Variants in MEGF6 observed in about 807,000 individuals in gnomAD.
The protein encoded by MEGF6 is multiple EGF like domains 6.
MEGF6 carries 184 observed loss-of-function variants against 207.1 expected under a neutral mutation model. The observed-to-expected ratio is 0.89, with a 90% confidence interval of 0.79 to 1.00. The LOEUF is 1.00. Among genes scored for constraint, MEGF6 ranks in the 50% least tolerant of loss-of-function variants. The pLI, the probability that MEGF6 is intolerant of heterozygous loss-of-function variation, is 0.00. For synonymous variants in MEGF6, 1,038 were observed against 910.0 expected, an observed-to-expected ratio of 1.14 and a Z score of -2.53; for missense variants, 2,282 against 2,202.9, an observed-to-expected ratio of 1.04 and a Z score of -0.72.
At chr1:3,581,322 C>G (rs907847549) in intron 3 of MEGF6, among the ~76,000 whole-genome samples, 1 of 152,136 alleles carries the variant, frequency 6.6e-6, no homozygotes, top group Admixed American at 6.5e-5. Flanking sequence ...ATCCCCTCCC[C>G]ACCTGGGCCC....
chr1:3,544,487 C>CG (rs1308021670), intron 4 of MEGF6, among the ~76,000 whole-genome samples: 5 of 152,056 alleles, frequency 3.3e-5, no homozygotes, highest in African/African-American at 1.2e-4. Context: ...GGAGCTCCTC[C>CG]TAGGAGGGAC....
chr1:3,514,965 C>T (rs947349), intron 6 of MEGF6, among the ~76,000 whole-genome samples: 25,993 of 152,224 alleles, frequency 0.17, 2,349 homozygotes, highest in East Asian at 0.22. Context: ...ACCAAGGCGG[C>T]GGCCCCCCAG....
intron 3 of MEGF6, among the ~76,000 whole-genome samples, chr1:3,589,757 C>T (rs1434743202): frequency 1.3e-5 from 2 of 152,204 alleles, no homozygotes; most frequent in Admixed American, 1.3e-4. Context: ...CTGCATCGGC[C>T]CCGTTCAACA....
chr1:3,558,314 C>T (rs986836091), intron 4 of MEGF6, among the ~76,000 whole-genome samples: 1 of 152,178 alleles, frequency 6.6e-6, no homozygotes, highest in African/African-American at 2.4e-5. Context: ...GTGACTGTGT[C>T]GACCTCCTTT....
At chr1:3,612,206 A>G (rs560196651), upstream of MEGF6, among the ~76,000 whole-genome samples, 6 of 152,054 alleles carry the variant, frequency 3.9e-5, no homozygotes, top group Admixed American at 6.5e-5. Context: ...TCTGTGCTGC[A>G]TGTTCTTGGA....
rs1281576776 is a variant in MEGF6, at chr1:3,611,385, C to G, written c.-117G>C. 8 of 1,296,822 alleles carry G rather than the reference C, an allele frequency of 6.2e-6. No individual in the cohort carries two copies. 80.3% of individuals were successfully genotyped at this position (1,296,822 alleles called of 1,614,324 possible). A position where few individuals can be genotyped will look rare whatever the true frequency, so the allele number is the denominator to read the frequency against. On this transcript the variant is annotated 5_prime_UTR_variant, in exon 1 of 37. Coordinates refer to ENST00000356575, the MANE Select transcript of MEGF6 (RefSeq NM_001409.4). ...GCCACAGGTGCCCGCGCCCGCTCCG[C>G]GGAGCCCAAGGTCGCTGCAGGTGCG...
chr1:3,501,121 G>T (rs1349361508), intron 19 of MEGF6, 27 bp from the exon 20 acceptor site: 1 of 1,612,594 alleles, frequency 6.2e-7, no homozygotes, highest in African/African-American at 1.3e-5. Context: ...GAGGGTGAGT[G>T]GGGCCTGGCC....
At position 3,606,022 on chromosome 1, in the gene MEGF6, C is replaced by T. The variant is rs971539798; in HGVS notation, c.132-3422G>A. Among the ~76,000 whole-genome samples, 5 of 152,344 alleles carry T rather than the reference C, an allele frequency of 3.3e-5. No individual in the cohort carries two copies. The South Asian group carries it at 8.3e-4, about 25-fold the overall frequency. On this transcript the variant is annotated intron_variant, in intron 1 of 36. Coordinates refer to ENST00000356575, the MANE Select transcript of MEGF6 (RefSeq NM_001409.4). ...TCCTCCTACTGACAGATACTCTGTC[C>T]CCCTGAAACTTCAAAAATTCACACT...
chr1:3,518,657 A>G (rs1368452303), intron 5 of MEGF6, among the ~76,000 whole-genome samples: 4 of 152,222 alleles, frequency 2.6e-5, no homozygotes, highest in Non-Finnish European at 4.4e-5. Flanking sequence ...CCAGCTCTAC[A>G]GGGTGGTTCT....
Position 3,496,593 on chromosome 1 carries a change from G to A in MEGF6, c.3742+62C>T. The A allele has an allele frequency of 4.5e-6, 7 of 1,548,576 alleles. 1 individual carries two copies. In the South Asian group the frequency reaches 7.1e-5, roughly 16 times the overall value. ...GTCGGGGGCCATCCTCCTGCAGGCT[G>A]GCTGGCCCTACCCTGGAGACACAGG... is the stretch of plus-strand genomic sequence containing the variant. On this transcript the variant is annotated intron_variant, in intron 29 of 36. Transcript: ENST00000356575.
At position 3,498,487 on chromosome 1, in the gene MEGF6, CG is replaced by C; in HGVS notation, c.3235del (p.Arg1079GlyfsTer195). 2 of 1,577,902 alleles carry C rather than the reference CG, an allele frequency of 1.3e-6. No homozygotes were observed. ...GTGCCGGCAGCCAGCTCTGACGTCC[CG>C]GGGGAGGCACTCTACAGGAGCAGAG... Reference protein sequence around the residue: ...GLACEKECLPRDVRAGCRHSG... With the variant: ...GLACEKECLPXDVRAGCRHSG... On this transcript the variant is annotated frameshift_variant, in exon 26 of 37. Coordinates refer to ENST00000356575, the MANE Select transcript of MEGF6 (RefSeq NM_001409.4). LOFTEE classifies it high-confidence loss of function.
In MEGF6 at chr1:3,611,379, G is replaced by A. The variant is rs1346484618; in HGVS notation, c.-111C>T. On this transcript the variant is annotated 5_prime_UTR_variant, in exon 1 of 37. Transcript: ENST00000356575. ...GACGCAGCCACAGGTGCCCGCGCCCGCTCCGCGGAGCCCAAGGTCGCTGCA... is the reference window on the plus strand; with the variant it reads ...GACGCAGCCACAGGTGCCCGCGCCCACTCCGCGGAGCCCAAGGTCGCTGCA... The A allele has an allele frequency of 3.8e-6, 5 of 1,311,170 alleles. No individual in the cohort carries two copies. The highest frequency in any genetic ancestry group is 4.9e-6 in the Non-Finnish European group (5 of 1,026,114). The allele number at this position is 1,311,170 out of a possible 1,614,324, so 81.2% of individuals were successfully genotyped here. A position where few individuals can be genotyped will look rare whatever the true frequency, so the allele number is the denominator to read the frequency against.
intron 26 of MEGF6, chr1:3,497,660 C>A: frequency 1.7e-6 from 1 of 571,656 alleles, no homozygotes. Flanking sequence ...AGCTCAGCCT[C>A]TGGCAGCCCC....
At chr1:3,551,866 CCT>C (rs894169879) in intron 4 of MEGF6, among the ~76,000 whole-genome samples, 9 of 152,194 alleles carry the variant, frequency 5.9e-5, no homozygotes, top group African/African-American at 9.6e-5. Flanking sequence ...TTGTAAAACC[CCT>C]GTCACCTCCC....
In MEGF6 at chr1:3,595,417, C is replaced by T. The variant is rs2101846303; in HGVS notation, c.297G>A (p.Val99=). 1 of 1,612,500 alleles carries T rather than the reference C, an allele frequency of 6.2e-7. No individual in the cohort carries two copies. The part of the protein sequence containing the change: ...RTVYYMGYRQ[V]YTTEARTVLR... ...GCACGGTCCGGGCCTCCGTGGTATA[C>T]ACCTGCCTGTAGCCCATGTAGTAGA... The change falls in exon 3 of 37, where the codon GTG becomes GTA. Residue 99 remains valine, a synonymous_variant. Transcript: ENST00000356575.
intron 5 of MEGF6, among the ~76,000 whole-genome samples, chr1:3,518,580 A>G (rs1291706209): frequency 6.6e-6 from 1 of 152,234 alleles, no homozygotes; most frequent in African/African-American, 2.4e-5. Flanking sequence ...GCGCCGAGGC[A>G]GGGGCTGGAC....
At chr1:3,613,979 G>A (rs1048340881), upstream of MEGF6, among the ~76,000 whole-genome samples, 3 of 152,192 alleles carry the variant, frequency 2.0e-5, no homozygotes, top group African/African-American at 7.2e-5. Context: ...CAGGTGGAGA[G>A]GCAGGCAGGA....
intron 5 of MEGF6, among the ~76,000 whole-genome samples, chr1:3,521,289 C>T (rs572752861): frequency 5.3e-5 from 8 of 152,160 alleles, no homozygotes; most frequent in Admixed American, 6.5e-5. Context: ...CACACTGAGG[C>T]AGGAAGGTAA....
At chr1:3,508,772 C>G (rs1641215555) in intron 12 of MEGF6, 83 bp from the exon 13 acceptor site, 5 of 1,544,122 alleles carry the variant, frequency 3.2e-6, no homozygotes, top group Non-Finnish European at 3.5e-6. Context: ...ACCCTCAGGC[C>G]AGGGAAGGGG....
Sources: allele counts gnomAD v4.1 joint callset (sites outside exome capture counted in the v4.1 genomes callset), GRCh38; gene constraint gnomAD v4.1.1; transcripts MANE v1.5; gene names NCBI Gene and HGNC (gene_info 2026-07-23, HGNC 2026-07-21).